TAX1BP1: variants seen among roughly 807,000 people sequenced by gnomAD.
The protein encoded by TAX1BP1 is Tax1 binding protein 1.
In TAX1BP1, 62 loss-of-function variants were observed where a neutral mutation model predicts 97.7. The ratio of observed to expected loss-of-function variants is 0.63; its 90% CI spans 0.52 to 0.78. The LOEUF (loss-of-function observed/expected upper bound fraction) is 0.78, where lower values mean the gene tolerates loss of function less well. Among genes scored for constraint, TAX1BP1 ranks in the 30% least tolerant of loss-of-function variants. The pLI, the probability that TAX1BP1 is intolerant of heterozygous loss-of-function variation, is 0.00. For synonymous variants in TAX1BP1, 340 were observed against 304.2 expected, an observed-to-expected ratio of 1.12 and a Z score of -1.23; for missense variants, 867 against 916.1, an observed-to-expected ratio of 0.95 and a Z score of 0.69.
intron 16 of TAX1BP1, 87 bp downstream of exon 16, chr7:27,827,907 C>A (rs1791248338): frequency 2.6e-6 from 3 of 1,172,386 alleles, no homozygotes; most frequent in Non-Finnish European, 3.8e-6. Context: ...TAGAAATGCA[C>A]ATGTGTAGGG....
At position 27,827,835 on chromosome 7, in the gene TAX1BP1, T is replaced by C; in HGVS notation, c.2168+15T>C. The stretch of plus-strand genomic sequence containing the variant: ...TTTGATTCCAGGTAGTTTTCTTCTT[T>C]ACTTTGTAGAATTTGGGTTATATCG... On this transcript the variant is annotated intron_variant, in intron 16 of 16. Transcript: ENST00000396319. 1.9e-6 allele frequency: 3 copies of C among 1,611,038 alleles called. No homozygotes were observed. The highest frequency in any genetic ancestry group is 1.7e-4 in the Middle Eastern group (1 of 6,040).
At chr7:27,770,418 A>G (rs80226429) in intron 5 of TAX1BP1, among the ~76,000 whole-genome samples, 1,970 of 152,212 alleles carry the variant, frequency 0.013, 25 homozygotes, top group Non-Finnish European at 0.018. Flanking sequence ...CAGTGAAAAA[A>G]CAGTTATCTA....
intron 15 of TAX1BP1, among the ~76,000 whole-genome samples, chr7:27,820,701 C>T (rs1790942047): frequency 6.6e-6 from 1 of 152,098 alleles, no homozygotes; most frequent in South Asian, 2.1e-4. Flanking sequence ...ATAGCCTGTG[C>T]AGAAATTAAC....
At chr7:27,764,568 A>G (rs1380057592) in intron 3 of TAX1BP1, among the ~76,000 whole-genome samples, 1 of 152,186 alleles carries the variant, frequency 6.6e-6, no homozygotes, top group Non-Finnish European at 1.5e-5. Flanking sequence ...TCTCCACTGT[A>G]AATAAAGTTA....
chr7:27,742,264 TCA>T (rs1339112012), intron 1 of TAX1BP1, among the ~76,000 whole-genome samples: 2 of 152,156 alleles, frequency 1.3e-5, no homozygotes, highest in African/African-American at 2.4e-5. Flanking sequence ...TTTCAGACTA[TCA>T]CATGGGGAGA....
intron 5 of TAX1BP1, among the ~76,000 whole-genome samples, chr7:27,770,236 A>G (rs1227322212): frequency 2.0e-5 from 3 of 152,098 alleles, no homozygotes; most frequent in Admixed American, 6.6e-5. Context: ...AAGATGTAGT[A>G]TTAGACAAAA....
chr7:27,742,218 G>C (rs887853048), intron 1 of TAX1BP1, among the ~76,000 whole-genome samples: 1 of 152,146 alleles, frequency 6.6e-6, no homozygotes, highest in Non-Finnish European at 1.5e-5. Context: ...GTCGGGCTGG[G>C]GGATGGTCAG....
Position 27,769,810 on chromosome 7 carries a change from T to C in TAX1BP1, c.588T>C (p.Cys196=). The change falls in exon 5 of 17, where the codon TGT becomes TGC. Residue 196 remains cysteine (C), a synonymous_variant. Transcript: ENST00000396319. ...ERELNHEKER[C]DQLQAEQKGL... ...AACTTAACCATGAGAAAGAAAGATG[T>C]GACCAACTGCAAGCAGAACAAAAGG... The C allele has an allele frequency of 6.2e-7, 1 of 1,612,302 alleles. No individual in the cohort carries two copies. The highest frequency in any genetic ancestry group is 1.1e-5 in the South Asian group (1 of 90,826).
intron 13 of TAX1BP1, among the ~76,000 whole-genome samples, chr7:27,803,798 A>G (rs1455830392): frequency 6.6e-6 from 1 of 152,220 alleles, no homozygotes; most frequent in Non-Finnish European, 1.5e-5. Flanking sequence ...AACGGAAAGT[A>G]CCCCTAAAGT....
chr7:27,774,667 C>T lies in TAX1BP1; in HGVS notation c.612+4833C>T, dbSNP rs186655002. The stretch of plus-strand genomic sequence containing the variant: ...ATATTTAAAAACTATCATTCTTGGA[C>T]AGTCCTGGTTTACTATATGTGAGCT... On this transcript the variant is annotated intron_variant, in intron 5 of 16. Transcript: ENST00000396319. Among the ~76,000 whole-genome samples the T allele has an allele frequency of 2.0e-5, 3 of 152,182 alleles. No individual in the cohort carries two copies. In the East Asian group the frequency reaches 5.8e-4, roughly 29 times the overall value.
intron 2 of TAX1BP1, among the ~76,000 whole-genome samples, chr7:27,756,907 G>A (rs980027149): frequency 1.3e-5 from 2 of 152,080 alleles, no homozygotes; most frequent in South Asian, 4.1e-4. Context: ...GTCCCAGCAT[G>A]CAGATACACC....
At position 27,769,728 on chromosome 7, in the gene TAX1BP1, C is replaced by T; in HGVS notation, c.506C>T (p.Ala169Val). ...KEKEELLKLI[A>V]VLEKETAQLR... is the part of the protein sequence containing the mutation. ...AAAGAAGAACTGTTAAAGTTAATTG[C>T]CGTTCTGGAAAAAGAAACAGCACAA... is the stretch of plus-strand genomic sequence containing the variant. The change falls in exon 5 of 17, where the codon GCC becomes GTC. Residue 169 changes from alanine to valine, a missense_variant. Ala to Val is a moderately conservative substitution (Grantham distance 64). Transcript: ENST00000396319. 2 of 1,611,996 alleles carry T rather than the reference C, an allele frequency of 1.2e-6. No homozygotes were observed. Among genetic ancestry groups the T allele is most frequent in the South Asian group, 1.1e-5 (1 of 90,688 alleles).
chr7:27,788,242 C>A (rs1789565279), intron 8 of TAX1BP1, among the ~76,000 whole-genome samples: 1 of 151,990 alleles, frequency 6.6e-6, no homozygotes, highest in Non-Finnish European at 1.5e-5. Context: ...TTTTGTCCAT[C>A]CTGTTGGAGT....
chr7:27,796,152 T>A lies in TAX1BP1; in HGVS notation c.1571T>A (p.Val524Asp). Residue 524 changes from valine (V) to aspartate (D), a missense_variant, in exon 12 of 17, where the codon GTC (valine) becomes GAC (aspartate). Val to Asp is a radical substitution (Grantham distance 152, BLOSUM62 -3). This residue lies in a region of TAX1BP1 where 822 missense variants were observed against 851.4 expected (regional missense o/e 0.97). Transcript: ENST00000396319. ...ADFDIVTKGQVCEMTKEIADK... is the reference protein window; with the variant it reads ...ADFDIVTKGQDCEMTKEIADK... ...TTTGACATAGTAACAAAGGGGCAAG[T>A]CTGTGAAATGACCAAAGAAATTGCT... 1 of 1,605,748 alleles carries A rather than the reference T, an allele frequency of 6.2e-7. No homozygotes were observed. The highest frequency in any genetic ancestry group is 8.5e-7 in the Non-Finnish European group (1 of 1,177,794).
chr7:27,796,332 T>G, intron 12 of TAX1BP1, 113 bp downstream of exon 12: 5 of 883,768 alleles, frequency 5.7e-6, no homozygotes, highest in Non-Finnish European at 8.3e-6. Context: ...CTCCATATAG[T>G]GTTACTTAGT....
chr7:27,814,757 A>G (rs1200715174), intron 13 of TAX1BP1, among the ~76,000 whole-genome samples: 1 of 150,436 alleles, frequency 6.6e-6, no homozygotes, highest in Non-Finnish European at 1.5e-5. Flanking sequence ...TTTTTTTGAG[A>G]CGGAGTCTCA....
intron 5 of TAX1BP1, among the ~76,000 whole-genome samples, chr7:27,779,648 A>G (rs773068291): frequency 1.2e-4 from 18 of 152,218 alleles, no homozygotes; most frequent in Non-Finnish European, 2.6e-4. Flanking sequence ...GTCAGGGATA[A>G]ATAATGAATT....
At position 27,828,880 on chromosome 7, in the gene TAX1BP1, AACCACACCT is replaced by A; in HGVS notation, c.*53_*61del. On this transcript the variant is annotated 3_prime_UTR_variant, in exon 17 of 17. Coordinates refer to ENST00000396319, the MANE Select transcript of TAX1BP1 (RefSeq NM_006024.7). ...GTTTAGCAGTAAAAAAAAAAAAAAA[AACCACACCT>A]AAAATAGACCACTGAGGAGACCATA... The A allele has an allele frequency of 7.1e-7, 1 of 1,417,074 alleles. No homozygotes were observed. The highest frequency in any genetic ancestry group is 9.6e-7 in the Non-Finnish European group (1 of 1,039,692). The allele number at this position is 1,417,074 out of a possible 1,614,324, so 87.8% of individuals were successfully genotyped here.
At chr7:27,797,911 G>A (rs956992821) in intron 12 of TAX1BP1, among the ~76,000 whole-genome samples, 1 of 151,180 alleles carries the variant, frequency 6.6e-6, no homozygotes, top group African/African-American at 2.4e-5. Context: ...CGTACCTAGA[G>A]TATACAGTTG....
Sources: gnomAD v4.1 joint callset for allele counts (sites outside exome capture counted in the v4.1 genomes callset) on GRCh38, gnomAD v4.1.1 for gene constraint, gnomAD v4.1.1 regional missense constraint, MANE v1.5 for transcripts, NCBI Gene and HGNC (gene_info 2026-07-23, HGNC 2026-07-21) for gene names.